Variants in POLK observed in about 807,000 individuals in gnomAD.
POLK encodes the protein DNA polymerase kappa, also known as polymerase (DNA directed) kappa.
Under a neutral mutation model 94.0 loss-of-function variants are expected in POLK, and 76 were observed. The ratio of observed to expected loss-of-function variants is 0.81; its 90% CI spans 0.67 to 0.98. The LOEUF (loss-of-function observed/expected upper bound fraction) is 0.98. Ranked by LOEUF, POLK falls within the 50% of genes least tolerant of loss-of-function variation. POLK has a pLI of 0.00. For synonymous variants in POLK, 349 were observed against 325.4 expected, an observed-to-expected ratio of 1.07 and a Z score of -0.78; for missense variants, 954 against 1,010.1, an observed-to-expected ratio of 0.94 and a Z score of 0.75.
intron 2 of POLK, among the ~76,000 whole-genome samples, chr5:75,547,382 G>A (rs1013071374): frequency 2.0e-5 from 3 of 151,408 alleles, no homozygotes; most frequent in Non-Finnish European, 4.4e-5. Context: ...CCAAAATAAT[G>A]TATATGTTCC....
At chr5:75,541,170 C>T (rs1159513890) in intron 1 of POLK, among the ~76,000 whole-genome samples, 1 of 151,828 alleles carries the variant, frequency 6.6e-6, no homozygotes, top group Non-Finnish European at 1.5e-5. Context: ...GTAATCCCAG[C>T]TGCCCAGCTA....
chr5:75,531,684 T>G (rs144181120), intron 1 of POLK, among the ~76,000 whole-genome samples: 2,168 of 152,146 alleles, frequency 0.014, 46 homozygotes, highest in African/African-American at 0.048. Flanking sequence ...TCCCAGCTAC[T>G]TGGGAGGCCG....
chr5:75,596,759 AT>A lies in POLK; in HGVS notation c.2067del (p.Pro690GlnfsTer9). The stretch of plus-strand genomic sequence containing the variant: ...TGTGAGAAGCAAGATTATGAAGCCC[AT>A]CCAAAAATTAAAGAAATATCTTCAG... On this transcript the variant is annotated frameshift_variant, in exon 13 of 15. Transcript: ENST00000241436. LOFTEE classifies it high-confidence loss of function. 1 of 1,612,694 alleles carries A rather than the reference AT, an allele frequency of 6.2e-7. No individual in the cohort carries two copies.
In POLK at chr5:75,596,674, T is replaced by A. The variant is rs746533896; in HGVS notation, c.1981T>A (p.Cys661Ser). 3.7e-6 allele frequency: 6 copies of A among 1,613,894 alleles called. No individual in the cohort carries two copies. The African/African-American group carries it at 4.0e-5, about 11-fold the overall frequency. Reference sequence around the variant, plus strand: ...CAGTGAAAACTTTAAAATGTTCTCGTGTTCACATGTTTCTGCTACCAAAGT... The same window carrying A: ...CAGTGAAAACTTTAAAATGTTCTCGAGTTCACATGTTTCTGCTACCAAAGT... Residue 661 changes from cysteine (C) to serine (S), a missense_variant, in exon 13 of 15, where the codon TGT becomes AGT. By Grantham distance (112) the Cys-to-Ser change is moderately radical. Transcript: ENST00000241436.
At chr5:75,563,916 G>T (rs1771126833) in intron 3 of POLK, among the ~76,000 whole-genome samples, 1 of 152,132 alleles carries the variant, frequency 6.6e-6, no homozygotes, top group African/African-American at 2.4e-5. Context: ...AGGTCTGCTT[G>T]GTCCAGAGCT....
chr5:75,511,080 C>T (rs746843877), upstream of POLK: 1 of 1,515,258 alleles, frequency 6.6e-7, no homozygotes, highest in Non-Finnish European at 8.8e-7. Context: ...GTGAGTCTGG[C>T]CAGGGGTCCC....
At chr5:75,572,641 T>C (rs948093997) in intron 4 of POLK, among the ~76,000 whole-genome samples, 40 of 152,154 alleles carry the variant, frequency 2.6e-4, no homozygotes, top group African/African-American at 7.0e-4. Flanking sequence ...GGTAGAAATA[T>C]AAGAAAATCT....
chr5:75,529,450 C>G (rs917856680), intron 1 of POLK, among the ~76,000 whole-genome samples: 1 of 152,066 alleles, frequency 6.6e-6, no homozygotes, highest in Non-Finnish European at 1.5e-5. Flanking sequence ...CACATTTCAA[C>G]ATGAGATTTG....
chr5:75,520,074 A>G (rs1475842006), intron 1 of POLK, among the ~76,000 whole-genome samples: 2 of 152,186 alleles, frequency 1.3e-5, no homozygotes, highest in South Asian at 4.1e-4. Context: ...GAGGTTTATT[A>G]AAAAGTTTTA....
chr5:75,537,094 C>T (rs979182), intron 1 of POLK, among the ~76,000 whole-genome samples: 15,267 of 152,280 alleles, frequency 0.1, 935 homozygotes, highest in East Asian at 0.21. Flanking sequence ...TTGCTGAGCC[C>T]CATCCAGCAA....
intron 1 of POLK, among the ~76,000 whole-genome samples, chr5:75,544,100 G>A (rs961874651): frequency 6.6e-6 from 1 of 152,168 alleles, no homozygotes; most frequent in Non-Finnish European, 1.5e-5. Context: ...GCCTCACAAA[G>A]TGCTAAGATT....
chr5:75,550,139 T>A (rs938853426), intron 2 of POLK, among the ~76,000 whole-genome samples: 2 of 152,162 alleles, frequency 1.3e-5, no homozygotes, highest in African/African-American at 4.8e-5. Flanking sequence ...GAGGCCAGTA[T>A]CACCCTGATA....
chr5:75,600,051 C>T (rs188548311), exon 15 of POLK: 3 of 152,056 alleles, frequency 2.0e-5, no homozygotes, highest in East Asian at 1.9e-4. Context: ...CTAATATAAA[C>T]CTAATATAAA....
chr5:75,559,505 G>GTTTTTTTTTTTTTTTTTTTT (rs1561371144), intron 3 of POLK, among the ~76,000 whole-genome samples: 9 of 70,108 alleles, frequency 1.3e-4, no homozygotes, highest in East Asian at 8.7e-4. Flanking sequence ...TTTGGGGTTT[G>GTTTTTTTTTTTTTTTTTTTT]TTTTTTTGTT....
exon 4 of POLK, chr5:75,569,423 A>C: frequency 6.2e-7 from 1 of 1,613,254 alleles, no homozygotes. Context: ...CTTTCTATGC[A>C]GCTGTAGAAA....
chr5:75,580,642 T>TTGC (rs1772146302), intron 6 of POLK: 13 of 344,268 alleles, frequency 3.8e-5, no homozygotes, highest in Non-Finnish European at 5.3e-5. Flanking sequence ...AAAGTGATAC[T>TTGC]TTATAAACAA....
At chr5:75,589,378 TATACACACATACACAC>T (rs1232885749) in intron 10 of POLK, among the ~76,000 whole-genome samples, 3 of 102,956 alleles carry the variant, frequency 2.9e-5, no homozygotes, top group African/African-American at 1.2e-4. Flanking sequence ...ATTTTATATA[TATACACACATACACAC>T]ACACACACAC....
intron 8 of POLK, among the ~76,000 whole-genome samples, chr5:75,583,619 CT>C: frequency 6.6e-6 from 1 of 152,166 alleles, no homozygotes; most frequent in Non-Finnish European, 1.5e-5. Context: ...TTGCTATAAA[CT>C]TTTAAGAAAG....
At chr5:75,542,668 CATATATACATATATATACATATATGT>C (rs1246103971) in intron 1 of POLK, among the ~76,000 whole-genome samples, 75 of 142,448 alleles carry the variant, frequency 5.3e-4, no homozygotes, top group African/African-American at 1.7e-3. Flanking sequence ...TATATATACA[CATATATACATATATATACATATATGT>C]ATATATATGT....
Sources: allele counts gnomAD v4.1 joint callset (sites outside exome capture counted in the v4.1 genomes callset), GRCh38; gene constraint gnomAD v4.1.1; transcripts MANE v1.5; gene names NCBI Gene and HGNC (gene_info 2026-07-23, HGNC 2026-07-21).